Variants in KLF8 observed in about 807,000 individuals in gnomAD.
KLF8 encodes Krueppel-like factor 8.
A neutral mutation model predicts 18.2 loss-of-function variants in KLF8; 10 were observed. The ratio of observed to expected loss-of-function variants is 0.55; its 90% CI spans 0.34 to 0.93. KLF8 has a LOEUF of 0.93. Ranked by LOEUF, KLF8 falls within the 40% of genes least tolerant of loss-of-function variation. The probability of loss-of-function intolerance (pLI) is 0.02; values close to 1 mark genes in which losing one functional copy is unlikely to be tolerated. For synonymous variants in KLF8, 109 were observed against 97.3 expected (o/e 1.12, Z -0.71); for missense variants, 264 against 277.9 (o/e 0.95, Z 0.36).
At chrX:56,205,219 A>AT in the KLF8 span, among the ~76,000 whole-genome samples, 2 of 111,237 alleles carry the variant, frequency 1.8e-5, no homozygotes, top group Non-Finnish European at 3.8e-5. Flanking sequence ...CAAAGGATGT[A>AT]TTTTTTCTTA....
the KLF8 span, among the ~76,000 whole-genome samples, chrX:56,139,960 C>A: frequency 8.9e-6 from 1 of 111,750 alleles, no homozygotes; most frequent in Non-Finnish European, 1.9e-5. Flanking sequence ...AAAAAATGGG[C>A]AGAGGACATG....
At chrX:55,956,121 C>CTATT in the KLF8 span, among the ~76,000 whole-genome samples, 1 of 80,857 alleles carries the variant, frequency 1.2e-5, no homozygotes, top group Non-Finnish European at 2.3e-5. Context: ...TAATAAATAT[C>CTATT]TATCTATTTA....
chrX:55,919,682 G>A, the KLF8 span, among the ~76,000 whole-genome samples: 9 of 110,954 alleles, frequency 8.1e-5, no homozygotes, highest in Non-Finnish European at 1.3e-4. Context: ...CCATTAGACA[G>A]GGAACCACAC....
chrX:55,977,192 G>C, the KLF8 span, among the ~76,000 whole-genome samples: 2 of 111,883 alleles, frequency 1.8e-5, no homozygotes, highest in Non-Finnish European at 3.8e-5. Context: ...ACCTTGTCTT[G>C]TTTCTAATCT....
chrX:56,178,435 C>T, the KLF8 span, among the ~76,000 whole-genome samples: 1 of 111,856 alleles, frequency 8.9e-6, no homozygotes, highest in Non-Finnish European at 1.9e-5. Flanking sequence ...CTGTAGGTTG[C>T]CTGTTCACTC....
At chrX:55,937,502 C>T in the KLF8 span, among the ~76,000 whole-genome samples, 1 of 112,579 alleles carries the variant, frequency 8.9e-6, no homozygotes, top group South Asian at 3.6e-4. Context: ...TCCTCACTAG[C>T]AATGGAACAA....
the KLF8 span, chrX:55,961,446 C>T: frequency 1.8e-6 from 1 of 543,919 alleles, no homozygotes; most frequent in South Asian, 2.3e-5. Flanking sequence ...TTAATGTCAA[C>T]AAGGAAGAGG....
chrX:55,947,308 T>TA, the KLF8 span, among the ~76,000 whole-genome samples: 1 of 109,879 alleles, frequency 9.1e-6, no homozygotes, highest in Non-Finnish European at 1.9e-5. Context: ...TATTCGGCCA[T>TA]AAAAAATGAT....
At chrX:56,186,554 C>A in the KLF8 span, among the ~76,000 whole-genome samples, 5 of 111,595 alleles carry the variant, frequency 4.5e-5, no homozygotes, top group African/African-American at 1.6e-4. Context: ...ACTCTCCACC[C>A]CAAATCAGCA....
the KLF8 span, among the ~76,000 whole-genome samples, chrX:56,114,269 C>A: frequency 1.8e-5 from 2 of 112,216 alleles, no homozygotes; most frequent in African/African-American, 3.2e-5. Flanking sequence ...CCCTTCCCCC[C>A]AGGAAGTCGG....
intron 2 of KLF8, among the ~76,000 whole-genome samples, chrX:56,250,628 A>G (rs1044817621): frequency 8.9e-6 from 1 of 111,881 alleles, no homozygotes; most frequent in African/African-American, 3.3e-5. Context: ...GTCTTATTTA[A>G]TCTTCACCAT....
chrX:56,186,928 G>T, the KLF8 span, among the ~76,000 whole-genome samples: 2 of 111,946 alleles, frequency 1.8e-5, no homozygotes, highest in Non-Finnish European at 3.8e-5. Context: ...AAGCAGGAAA[G>T]ATCCAAAATT....
the KLF8 span, among the ~76,000 whole-genome samples, chrX:56,187,381 A>G: frequency 1.8e-5 from 2 of 111,810 alleles, no homozygotes; most frequent in Non-Finnish European, 3.8e-5. Context: ...GCAATAATCA[A>G]TACCTTACCA....
the KLF8 span, among the ~76,000 whole-genome samples, chrX:56,123,018 G>GAC: frequency 1.1e-4 from 12 of 109,649 alleles, no homozygotes; most frequent in Non-Finnish European, 1.5e-4. Context: ...CACCCTGAAA[G>GAC]ACACACACAC....
intron 4 of KLF8, among the ~76,000 whole-genome samples, 190 bp downstream of exon 4, chrX:56,269,679 G>A (rs1313788465): frequency 8.9e-6 from 1 of 112,277 alleles, no homozygotes; most frequent in Non-Finnish European, 1.9e-5. Context: ...GCATGTACAT[G>A]CATGCTATAG....
chrX:56,084,287 G>A, the KLF8 span, among the ~76,000 whole-genome samples: 2 of 110,720 alleles, frequency 1.8e-5, no homozygotes, highest in Non-Finnish European at 3.8e-5. Flanking sequence ...GGAGGCTGCC[G>A]TGGGAGGATT....
the KLF8 span, among the ~76,000 whole-genome samples, chrX:56,184,228 C>T: frequency 2.7e-5 from 3 of 112,397 alleles, no homozygotes; most frequent in East Asian, 8.5e-4. Context: ...ATATCCTGCA[C>T]CTGGCTCAGA....
chrX:56,269,440 A>G lies in KLF8; in HGVS notation c.709A>G (p.Ile237Val), dbSNP rs2067018893. 3 of 1,207,054 alleles carry G rather than the reference A, an allele frequency of 2.5e-6. No individual in the cohort carries two copies. The highest frequency in any genetic ancestry group is 3.4e-6 in the Non-Finnish European group (3 of 894,077). ...TCCAAGTGACAGTGAGGAGAGTACAATTGAGAGTGGATCCTCAGCCTTGCA... is the reference window on the plus strand; with the variant it reads ...TCCAAGTGACAGTGAGGAGAGTACAGTTGAGAGTGGATCCTCAGCCTTGCA... ...EIPSDSEEST[I>V]ESGSSALQSL... The change falls in exon 4 of 6, where the codon ATT becomes GTT. Residue 237 changes from isoleucine to valine, a missense_variant. This residue lies in a region of KLF8 where 221 missense variants were observed against 193.6 expected (regional missense o/e 1.14). Coordinates refer to ENST00000468660, the MANE Select transcript of KLF8 (RefSeq NM_007250.5).
At chrX:56,197,856 C>T in the KLF8 span, among the ~76,000 whole-genome samples, 9 of 111,787 alleles carry the variant, frequency 8.1e-5, no homozygotes, top group South Asian at 7.5e-4. Flanking sequence ...ACTGGCAAAC[C>T]GAATCCAGCA....
Sources: allele counts gnomAD v4.1 joint callset (sites outside exome capture counted in the v4.1 genomes callset), GRCh38; gene constraint gnomAD v4.1.1; regional missense constraint gnomAD v4.1.1; transcripts MANE v1.5; gene names NCBI Gene and HGNC (gene_info 2026-07-23, HGNC 2026-07-21).